GALNT8: variants seen among roughly 807,000 people sequenced by gnomAD.
The protein encoded by GALNT8 is probable polypeptide N-acetylgalactosaminyltransferase 8.
In GALNT8, 66 loss-of-function variants were observed where a neutral mutation model predicts 62.7. The observed-to-expected ratio is 1.05, with a 90% CI of 0.86 to 1.29. GALNT8 has a LOEUF of 1.29. Among genes scored for constraint, GALNT8 ranks in the 50% most tolerant of loss-of-function variants. The pLI is 0.00. For synonymous variants in GALNT8, 288 were observed against 294.3 expected, an observed-to-expected ratio of 0.98 and a Z score of 0.22; for missense variants, 771 against 791.8, an observed-to-expected ratio of 0.97 and a Z score of 0.32.
rs757805564 is a variant in GALNT8 at position 4,728,339 on chromosome 12, G to A, written c.509+1510G>A. Among the ~76,000 whole-genome samples the A allele has an allele frequency of 2.7e-5, 4 of 149,320 alleles. No homozygotes were observed. The East Asian group carries it at 6.0e-4, about 22-fold the overall frequency. ...TTGTCTGTTCACTTTCTTGATGGTC[G>A]TCTTTGAAACACAAGAGTTTTAAAT... On this transcript the variant is annotated intron_variant, in intron 2 of 10. Coordinates refer to ENST00000252318, the MANE Select transcript of GALNT8 (RefSeq NM_017417.2).
At chr12:4,721,031 C>A in intron 1 of GALNT8, 143 bp downstream of exon 1, 2 of 633,124 alleles carry the variant, frequency 3.2e-6, no homozygotes, top group Non-Finnish European at 5.7e-6. Context: ...ACACTGAATT[C>A]TGTGCCTTCA....
chr12:4,753,844 G>A (rs1946332622), intron 6 of GALNT8, among the ~76,000 whole-genome samples: 1 of 152,182 alleles, frequency 6.6e-6, no homozygotes, highest in African/African-American at 2.4e-5. Flanking sequence ...AGGCTTTCCA[G>A]ATATTCAAAA....
chr12:4,741,585 A>T (rs1161739972), intron 3 of GALNT8, among the ~76,000 whole-genome samples: 1 of 152,166 alleles, frequency 6.6e-6, no homozygotes, highest in African/African-American at 2.4e-5. Context: ...TGTGGAAAAA[A>T]AAAAAGTCAA....
At chr12:4,737,709 C>T (rs1466750398) in intron 2 of GALNT8, among the ~76,000 whole-genome samples, 6 of 152,248 alleles carry the variant, frequency 3.9e-5, no homozygotes, top group African/African-American at 1.2e-4. Flanking sequence ...GTGTTTAGGT[C>T]GTGAAGGCTC....
chr12:4,724,087 T>C (rs1946183592), intron 1 of GALNT8, among the ~76,000 whole-genome samples: 1 of 138,606 alleles, frequency 7.2e-6, no homozygotes. Flanking sequence ...AGGTGGAGGT[T>C]GCAGTGAGCT....
chr12:4,727,191 C>G (rs996972262), intron 2 of GALNT8, among the ~76,000 whole-genome samples: 3 of 152,094 alleles, frequency 2.0e-5, no homozygotes, highest in Non-Finnish European at 4.4e-5. Flanking sequence ...ACCTCCTTTC[C>G]TAGGACTTTG....
intron 6 of GALNT8, 22 bp downstream of exon 6, chr12:4,746,280 T>G: frequency 1.6e-6 from 2 of 1,279,512 alleles, no homozygotes; most frequent in Non-Finnish European, 2.3e-6. Flanking sequence ...TCCCTTTTCT[T>G]TATGGGACAA....
chr12:4,766,543 C>A (rs888828782), intron 10 of GALNT8, among the ~76,000 whole-genome samples: 1 of 152,136 alleles, frequency 6.6e-6, no homozygotes, highest in African/African-American at 2.4e-5. Context: ...GAAGCTCTGC[C>A]TTTAACTTCA....
chr12:4,772,386 A>C, intron 10 of GALNT8, 59 bp from the exon 11 acceptor site: 34 of 1,454,338 alleles, frequency 2.3e-5, no homozygotes, highest in Non-Finnish European at 3.2e-5. Context: ...CAGGGCTAGA[A>C]GAGATGATGA....
intron 6 of GALNT8, among the ~76,000 whole-genome samples, chr12:4,757,615 A>G (rs934892873): frequency 1.3e-5 from 2 of 152,166 alleles, no homozygotes; most frequent in East Asian, 1.9e-4. Context: ...TAAGAGCACT[A>G]CCTGAAAGTT....
At chr12:4,762,810 AAGG>A (rs1946378863) in intron 7 of GALNT8, among the ~76,000 whole-genome samples, 1 of 152,368 alleles carries the variant, frequency 6.6e-6, no homozygotes, top group East Asian at 1.9e-4. Flanking sequence ...ATTAAATTTA[AAGG>A]AGTTTAGCTG....
At chr12:4,760,188 T>C (rs184216258) in intron 6 of GALNT8, among the ~76,000 whole-genome samples, 1 of 152,300 alleles carries the variant, frequency 6.6e-6, no homozygotes, top group Non-Finnish European at 1.5e-5. Context: ...TGGGCTCCAC[T>C]GGGGAAAGAT....
At chr12:4,766,219 G>A (rs1946399481) in intron 10 of GALNT8, among the ~76,000 whole-genome samples, 2 of 152,186 alleles carry the variant, frequency 1.3e-5, no homozygotes, top group African/African-American at 4.8e-5. Context: ...ACTAAGGCAG[G>A]GTGGTTAAGG....
intron 6 of GALNT8, among the ~76,000 whole-genome samples, chr12:4,757,058 G>A (rs7976011): frequency 2.6e-5 from 4 of 151,930 alleles, no homozygotes; most frequent in South Asian, 2.1e-4. Flanking sequence ...TTCCTCCTGC[G>A]TTCATTCTCC....
intron 6 of GALNT8, among the ~76,000 whole-genome samples, chr12:4,759,496 A>G (rs1052558993): frequency 8.6e-5 from 13 of 150,508 alleles, no homozygotes; most frequent in African/African-American, 3.2e-4. Context: ...GTGTGCAATG[A>G]TGGAACCAGA....
intron 2 of GALNT8, among the ~76,000 whole-genome samples, chr12:4,738,669 G>A (rs1257827061): frequency 6.6e-6 from 1 of 152,104 alleles, no homozygotes; most frequent in East Asian, 1.9e-4. Flanking sequence ...TGTGCAGTTT[G>A]TATATATCAA....
intron 1 of GALNT8, among the ~76,000 whole-genome samples, chr12:4,724,955 C>T (rs1946188035): frequency 6.6e-6 from 1 of 152,198 alleles, no homozygotes; most frequent in African/African-American, 2.4e-5. Flanking sequence ...AGAAAATTCA[C>T]ACGATGGGGC....
rs1946288904 is a variant in GALNT8 at position 4,744,703 on chromosome 12, A to G, written c.860+3A>G. On this transcript the variant is annotated splice_donor_region_variant and intron_variant, in intron 4 of 10. Coordinates refer to ENST00000252318, the MANE Select transcript of GALNT8 (RefSeq NM_017417.2). ...CACATTGAAGTCAATGTTGGGTGGT[A>G]AGGCTCAAAGAGGCTAGTTCTTCTG... 6.2e-7 allele frequency: 1 copy of G among 1,602,140 alleles called. No homozygotes were observed. Among genetic ancestry groups the G allele is most frequent in the Non-Finnish European group, 8.5e-7 (1 of 1,172,212 alleles).
intron 3 of GALNT8, among the ~76,000 whole-genome samples, chr12:4,744,144 A>T (rs1187840290): frequency 6.6e-6 from 1 of 152,204 alleles, no homozygotes; most frequent in Non-Finnish European, 1.5e-5. Flanking sequence ...AGCTATGAAG[A>T]TGTTCCAGGC....
Sources: gnomAD v4.1 joint callset for allele counts (sites outside exome capture counted in the v4.1 genomes callset) on GRCh38, gnomAD v4.1.1 for gene constraint, MANE v1.5 for transcripts, NCBI Gene and HGNC (gene_info 2026-07-23, HGNC 2026-07-21) for gene names.